Variants in COL6A2 observed in about 807,000 individuals in gnomAD.
COL6A2 encodes the protein collagen type VI alpha 2 chain, also known as collagen alpha-2(VI) chain.
In COL6A2, 90 loss-of-function variants were observed where a neutral mutation model predicts 124.9. That is an observed-to-expected ratio of 0.72 (90% confidence interval 0.61 to 0.86). The LOEUF (loss-of-function observed/expected upper bound fraction) is 0.86, where lower values mean the gene tolerates loss of function less well. COL6A2 is among the 40% of genes least tolerant of loss of function. COL6A2 has a pLI of 0.00. For missense variants in COL6A2, 1,607 were observed against 1,502.5 expected (o/e 1.07, Z -1.15); for synonymous variants, 793 against 618.2 (o/e 1.28, Z -4.19).
Position 46,126,681 on chromosome 21 carries a change from G to T in COL6A2, c.2461+140G>T, listed in dbSNP as rs1008214808. 8.8e-6 allele frequency: 9 copies of T among 1,028,562 alleles called. No homozygotes were observed. In the South Asian group the frequency reaches 1.2e-4, roughly 14 times the overall value. 63.7% of individuals were successfully genotyped at this position (1,028,562 alleles called of 1,614,324 possible). A position where few individuals can be genotyped will look rare whatever the true frequency, so the allele number is the denominator to read the frequency against. ...GCCACTGCGGAGGCTGCTCCTTAGG[G>T]AGATGGCCCCAGGATGGCAGCACAG... On this transcript the variant is annotated intron_variant, in intron 27 of 27. Transcript: ENST00000300527.
At position 46,121,718 on chromosome 21, in the gene COL6A2, G is replaced by T; in HGVS notation, c.1521+100G>T. 3.3e-6 allele frequency: 4 copies of T among 1,216,618 alleles called. No individual in the cohort carries two copies. The South Asian group carries it at 3.8e-5, about 11-fold the overall frequency. 75.4% of individuals were successfully genotyped at this position (1,216,618 alleles called of 1,614,324 possible). A position where few individuals can be genotyped will look rare whatever the true frequency, so the allele number is the denominator to read the frequency against. ...CTGGGGGACCCTGTTGCCGGCAGAC[G>T]TGCCTCAGGACGGGCCTGTGCCTCC... On this transcript the variant is annotated intron_variant, in intron 18 of 27. Transcript: ENST00000300527.
In COL6A2 at chr21:46,125,832, G is replaced by A. The variant is rs1272704812; in HGVS notation, c.2017G>A (p.Ala673Thr). Residue 673 changes from alanine (A) to threonine (T), a missense_variant, in exon 26 of 28, where the codon GCC (alanine) becomes ACC (threonine). Physicochemically the swap from Ala to Thr is moderately conservative, Grantham distance 58. This residue lies in a region of COL6A2 where 1,223 missense variants were observed against 1,052.2 expected (regional missense o/e 1.16). Coordinates refer to ENST00000300527, the MANE Select transcript of COL6A2 (RefSeq NM_001849.4). ...GTACAGCCACGAGGGCACCTTTGAG[G>A]CCATCCAGCTGGACGACGAACGTAT... is the stretch of plus-strand genomic sequence containing the variant. ...VQYSHEGTFEAIQLDDERIDS... is the reference protein window; with the variant it reads ...VQYSHEGTFETIQLDDERIDS... 4 of 1,612,888 alleles carry A rather than the reference G, an allele frequency of 2.5e-6. No individual in the cohort carries two copies. The African/African-American group carries it at 4.0e-5, about 16-fold the overall frequency.
chr21:46,119,019 T>C lies in COL6A2; in HGVS notation c.1180-11T>C, dbSNP rs1202101493. On this transcript the variant is annotated splice_polypyrimidine_tract_variant and intron_variant, in intron 13 of 27. Coordinates refer to ENST00000300527, the MANE Select transcript of COL6A2 (RefSeq NM_001849.4). ...GCCTCTGGGTGACTGTGCTGTCCTC[T>C]CCTTCTTCAGGGGTATCAAGGCAAC... 2 of 1,600,056 alleles carry C rather than the reference T, an allele frequency of 1.2e-6. No homozygotes were observed. Among genetic ancestry groups the C allele is most frequent in the Non-Finnish European group, 8.6e-7 (1 of 1,168,328 alleles).
Position 46,116,945 on chromosome 21 carries a change from A to ACACC in COL6A2, c.999+134_999+135insCCAC. Reference sequence around the variant, plus strand: ...CACGCATACACACACACACACACACACACACACACACGAACTTCAGCTCCT... The same window carrying ACACC: ...CACGCATACACACACACACACACACACACCCACACACACACGAACTTCAGCTCCT... On this transcript the variant is annotated intron_variant, in intron 10 of 27. Transcript: ENST00000300527. The surrounding 1 kb of genome is among the most constrained non-coding windows in gnomAD (Gnocchi z 4.6). 1 of 824,300 alleles carries ACACC rather than the reference A, an allele frequency of 1.2e-6. No homozygotes were observed. The highest frequency in any genetic ancestry group is 1.9e-6 in the Non-Finnish European group (1 of 521,546). 51.1% of individuals were successfully genotyped at this position (824,300 alleles called of 1,614,324 possible).
intron 12 of COL6A2, 95 bp from the exon 13 acceptor site, chr21:46,118,519 C>T (rs1207059879): frequency 8.0e-7 from 1 of 1,245,984 alleles, no homozygotes; most frequent in Non-Finnish European, 1.2e-6. Context: ...AGGTGCAGTC[C>T]CAAGCCCGAC....
rs767925731 is a variant in COL6A2, at chr21:46,111,611, G to A, written c.115+20G>A. The stretch of plus-strand genomic sequence containing the variant: ...GCCCAGGTGCCAGGGGTCGGGGGCC[G>A]GGGGCTCTGGGCATTTGGGGGGCAG... On this transcript the variant is annotated intron_variant, in intron 2 of 27. Coordinates refer to ENST00000300527, the MANE Select transcript of COL6A2 (RefSeq NM_001849.4). 7.5e-6 allele frequency: 11 copies of A among 1,470,824 alleles called. No homozygotes were observed. Among genetic ancestry groups the A allele is most frequent in the East Asian group, 4.6e-5 (2 of 43,520 alleles). 91.1% of individuals were successfully genotyped at this position (1,470,824 alleles called of 1,614,324 possible).
At chr21:46,118,523 G>T (rs2078511166) in intron 12 of COL6A2, 91 bp from the exon 13 acceptor site, 2 of 1,274,016 alleles carry the variant, frequency 1.6e-6, no homozygotes, top group Non-Finnish European at 2.3e-6. Flanking sequence ...GCAGTCCCAA[G>T]CCCGACCGTG....
chr21:46,124,255 G>A (rs1322763719), intron 21 of COL6A2, among the ~76,000 whole-genome samples: 2 of 151,618 alleles, frequency 1.3e-5, no homozygotes, highest in African/African-American at 2.4e-5. Flanking sequence ...ATGGATGGAT[G>A]GGTTAGTGGG....
Position 46,124,702 on chromosome 21 carries a change from C to T in COL6A2, c.1723C>T (p.Pro575Ser). 2 of 1,612,774 alleles carry T rather than the reference C, an allele frequency of 1.2e-6. No homozygotes were observed. Among genetic ancestry groups the T allele is most frequent in the Non-Finnish European group, 1.7e-6 (2 of 1,179,904 alleles). The stretch of plus-strand genomic sequence containing the variant: ...AGGCCCTCGGGGGCCAAGAGGAGTC[C>T]CAGGACCCGAGGTAGGTTGGTGGCC... The part of the protein sequence containing the change: ...EPGPRGPRGV[P>S]GPEGEPGPPG... The change falls in exon 22 of 28, where the codon CCA becomes TCA. Residue 575 changes from proline to serine, a missense_variant. Pro to Ser is a moderately conservative substitution (Grantham distance 74). Transcript: ENST00000300527.
Position 46,125,968 on chromosome 21 carries a change from G to T in COL6A2, c.2153G>T (p.Ser718Ile). Residue 718 changes from serine (S) to isoleucine (I), a missense_variant, in exon 26 of 28, where the codon AGC becomes ATC. Transcript: ENST00000300527. ...GCCTACGACCGCCTCATCAAGGAGA[G>T]CCGGCGCCAGAAGACACGTGTGTTT... ...KFAYDRLIKE[S>I]RRQKTRVFAV... 6.2e-7 allele frequency: 1 copy of T among 1,613,196 alleles called. No individual in the cohort carries two copies. The highest frequency in any genetic ancestry group is 8.5e-7 in the Non-Finnish European group (1 of 1,179,956).
intron 5 of COL6A2, 72 bp downstream of exon 5, chr21:46,114,145 G>C: frequency 1.5e-6 from 2 of 1,336,212 alleles, no homozygotes; most frequent in South Asian, 2.3e-5. Flanking sequence ...ATCCACACTT[G>C]GCCGGGCGTG....
At chr21:46,129,368 C>A (rs747538044) in intron 27 of COL6A2, 6 of 1,612,974 alleles carry the variant, frequency 3.7e-6, no homozygotes, top group Non-Finnish European at 5.1e-6. Context: ...TCTACACCGC[C>A]GAGCGGGCCA....
At chr21:46,118,520 C>G in intron 12 of COL6A2, 94 bp from the exon 13 acceptor site, 2 of 1,256,726 alleles carry the variant, frequency 1.6e-6, no homozygotes, top group Non-Finnish European at 2.3e-6. Context: ...GGTGCAGTCC[C>G]AAGCCCGACC....
At chr21:46,118,158 G>A (rs139038256) in intron 12 of COL6A2, among the ~76,000 whole-genome samples, 35 of 152,162 alleles carry the variant, frequency 2.3e-4, no homozygotes, top group African/African-American at 7.2e-4. Flanking sequence ...CGAGGCCTCG[G>A]CAACAAACCC....
At position 46,132,698 on chromosome 21, in the gene COL6A2, C is replaced by G; in HGVS notation, c.*146C>G. On this transcript the variant is annotated 3_prime_UTR_variant, in exon 28 of 28. Transcript: ENST00000300527. ...CTCTCCAGCTCCTCCCACGGGGTCC[C>G]CGTAGCCCCGGCCCCCGCCCAGCCC... 1.2e-6 allele frequency: 1 copy of G among 833,680 alleles called. No individual in the cohort carries two copies. The allele number at this position is 833,680 out of a possible 1,614,324, so 51.6% of individuals were successfully genotyped here.
In COL6A2 at chr21:46,126,356, T is replaced by C. The variant is rs879181740; in HGVS notation, c.2422+119T>C. 4.0e-6 allele frequency: 6 copies of C among 1,509,486 alleles called. No homozygotes were observed. In the African/African-American group the frequency reaches 6.9e-5, roughly 17 times the overall value. 93.5% of individuals were successfully genotyped at this position (1,509,486 alleles called of 1,614,324 possible). On this transcript the variant is annotated intron_variant, in intron 26 of 27. Coordinates refer to ENST00000300527, the MANE Select transcript of COL6A2 (RefSeq NM_001849.4). ...GAATGTGCAGCCCAGGATCTTGGGCTGTGGGTGGGAAGGGGTCGGGCCCTC... is the reference window on the plus strand; with the variant it reads ...GAATGTGCAGCCCAGGATCTTGGGCCGTGGGTGGGAAGGGGTCGGGCCCTC...
intron 1 of COL6A2, among the ~76,000 whole-genome samples, chr21:46,099,889 C>CGTTTTTTTTTTTTTTTTTTTTTTTTT (rs1345870090): frequency 1.1e-5 from 1 of 91,840 alleles, no homozygotes; most frequent in Non-Finnish European, 2.1e-5. Context: ...GCAGCACTGT[C>CGTTTTTTTTTTTTTTTTTTTTTTTTT]TTTTTTTTTT....
Position 46,116,926 on chromosome 21 carries a change from TACACACACACACACACACACAC to T in COL6A2, c.999+121_999+142del. On this transcript the variant is annotated intron_variant, in intron 10 of 27. Coordinates refer to ENST00000300527, the MANE Select transcript of COL6A2 (RefSeq NM_001849.4). The surrounding 1 kb of genome is among the most constrained non-coding windows in gnomAD (Gnocchi z 4.6). ...CAGCTTACACATGTGTACACACGCATACACACACACACACACACACACACACACACGAACTTCAGCTCCTGCC... is the reference window on the plus strand; with the variant it reads ...CAGCTTACACATGTGTACACACGCATACACACACGAACTTCAGCTCCTGCC... 9.4e-6 allele frequency: 6 copies of T among 638,194 alleles called. No individual in the cohort carries two copies. The highest frequency in any genetic ancestry group is 7.3e-5 in the South Asian group (4 of 54,968). The allele number at this position is 638,194 out of a possible 1,614,324, so 39.5% of individuals were successfully genotyped here.
chr21:46,112,751 C>G, intron 3 of COL6A2, 53 bp from the exon 4 acceptor site: 1 of 1,612,814 alleles, frequency 6.2e-7, no homozygotes, highest in Non-Finnish European at 8.5e-7. Flanking sequence ...CGAGGTGCAG[C>G]CGCCCCAGGT....
Sources: allele counts gnomAD v4.1 joint callset (sites outside exome capture counted in the v4.1 genomes callset), GRCh38; gene constraint gnomAD v4.1.1; regional missense constraint gnomAD v4.1.1; non-coding constraint Gnocchi (gnomAD v3.1); transcripts MANE v1.5; gene names NCBI Gene and HGNC (gene_info 2026-07-23, HGNC 2026-07-21).